Variants in GFRA2 observed in about 807,000 individuals in gnomAD.
GFRA2 encodes GDNF family receptor alpha 2.
A neutral mutation model predicts 48.3 loss-of-function variants in GFRA2; 17 were observed. The ratio of observed to expected loss-of-function variants is 0.35; its 90% CI spans 0.24 to 0.53. The LOEUF (loss-of-function observed/expected upper bound fraction) is 0.53. Ranked by LOEUF, GFRA2 falls within the 20% of genes least tolerant of loss-of-function variation. The pLI, the probability that GFRA2 is intolerant of heterozygous loss-of-function variation, is 0.93. For missense variants in GFRA2, 660 were observed against 637.3 expected, an observed-to-expected ratio of 1.04 and a Z score of -0.38; for synonymous variants, 305 against 257.2, an observed-to-expected ratio of 1.19 and a Z score of -1.78.
intron 1 of GFRA2, among the ~76,000 whole-genome samples, chr8:21,786,391 G>C (rs959867127): frequency 3.0e-4 from 46 of 152,392 alleles, no homozygotes; most frequent in Non-Finnish European, 6.0e-4. Flanking sequence ...ATGCAGCTCA[G>C]CAGTAGGCAA....
chr8:21,811,027 C>A (rs1164721306), intron 1 of GFRA2, among the ~76,000 whole-genome samples: 1 of 152,228 alleles, frequency 6.6e-6, no homozygotes, highest in African/African-American at 2.4e-5. Flanking sequence ...CTCCAGAAAA[C>A]CGATTTTTAA....
chr8:21,711,414 T>C (rs538655852), intron 4 of GFRA2, among the ~76,000 whole-genome samples: 28 of 152,288 alleles, frequency 1.8e-4, no homozygotes, highest in Non-Finnish European at 2.8e-4. Context: ...AAGCTAAGTC[T>C]GCCAAGTGAG....
At position 21,750,861 on chromosome 8, in the gene GFRA2, C is replaced by A; in HGVS notation, c.521G>T (p.Cys174Phe). ...GATGTAGGAGGAGCGCAGCTTCTTG[C>A]AGTTGTCATTCAGGTTGCAGGCCTT... ...AAKACNLNDNCKKLRSSYISI... is the reference protein window; with the variant it reads ...AAKACNLNDNFKKLRSSYISI... The change falls in exon 4 of 9, where the codon TGC becomes TTC. Residue 174 changes from cysteine to phenylalanine, a missense_variant. Cys to Phe is a radical substitution (Grantham distance 205). Transcript: ENST00000524240. The surrounding 1 kb of genome is among the most constrained non-coding windows in gnomAD (Gnocchi z 5.7). 1 of 1,613,862 alleles carries A rather than the reference C, an allele frequency of 6.2e-7. No homozygotes were observed. The highest frequency in any genetic ancestry group is 8.5e-7 in the Non-Finnish European group (1 of 1,179,854).
At chr8:21,785,132 A>C (rs1807205659) in intron 1 of GFRA2, among the ~76,000 whole-genome samples, 1 of 152,238 alleles carries the variant, frequency 6.6e-6, no homozygotes, top group South Asian at 2.1e-4. Flanking sequence ...CTGTAGGCAC[A>C]GAATTCACCG....
At chr8:21,799,686 C>A (rs1807738798) in intron 2 of GFRA2, among the ~76,000 whole-genome samples, 3 of 152,306 alleles carry the variant, frequency 2.0e-5, no homozygotes, top group South Asian at 4.1e-4. Context: ...TGCCCACCAC[C>A]CTCCAGCCTA....
At chr8:21,694,439 C>T (rs1802054949) in intron 8 of GFRA2, 25 bp downstream of exon 8, 1 of 1,607,690 alleles carries the variant, frequency 6.2e-7, no homozygotes, top group African/African-American at 1.3e-5. Context: ...CTTCTGCACC[C>T]ATCCCCACTC....
chr8:21,711,421 T>G (rs776617965), intron 4 of GFRA2, among the ~76,000 whole-genome samples: 12 of 152,116 alleles, frequency 7.9e-5, no homozygotes, highest in Non-Finnish European at 1.5e-4. Flanking sequence ...GTCTGCCAAG[T>G]GAGCTCAGGG....
Position 21,759,593 on chromosome 8 carries a change from A to T in GFRA2, c.440-8651T>A, listed in dbSNP as rs115074404. On this transcript the variant is annotated intron_variant, in intron 3 of 8. Coordinates refer to ENST00000524240, the MANE Select transcript of GFRA2 (RefSeq NM_001495.5). ...TAAAGAAAGGAAAATAAGGGAATTTAAAAAAGAATGACCAGCTGGGTGCAG... is the reference window on the plus strand; with the variant it reads ...TAAAGAAAGGAAAATAAGGGAATTTTAAAAAGAATGACCAGCTGGGTGCAG... Among the ~76,000 whole-genome samples the T allele has an allele frequency of 9.4e-3, 1,422 of 151,922 alleles. 27 individuals are homozygous for T. The highest frequency in any genetic ancestry group is 0.032 in the African/African-American group (1,327 of 41,352).
intron 7 of GFRA2, among the ~76,000 whole-genome samples, chr8:21,696,909 GA>G (rs138582118): frequency 0.08 from 10,904 of 136,382 alleles, 580 homozygotes; most frequent in Non-Finnish European, 0.13. Flanking sequence ...AGTGAGAGGA[GA>G]GGGGACATAG....
At chr8:21,728,110 C>T (rs1017684861) in intron 4 of GFRA2, among the ~76,000 whole-genome samples, 1 of 152,066 alleles carries the variant, frequency 6.6e-6, no homozygotes, top group African/African-American at 2.4e-5. Flanking sequence ...CCACACAGCA[C>T]TGATTCCAGG....
intron 3 of GFRA2, among the ~76,000 whole-genome samples, chr8:21,756,417 C>T (rs929543667): frequency 2.6e-5 from 4 of 152,178 alleles, no homozygotes; most frequent in Admixed American, 2.6e-4. Flanking sequence ...ACCCCAGGAG[C>T]GGGCCTGGGC....
chr8:21,770,231 A>G (rs1806378460), intron 3 of GFRA2, among the ~76,000 whole-genome samples: 1 of 152,214 alleles, frequency 6.6e-6, no homozygotes, highest in South Asian at 2.1e-4. Flanking sequence ...AGTTTCTAGA[A>G]TGCCGGGTTC....
At chr8:21,797,344 G>C (rs1807696500) in intron 2 of GFRA2, 1 of 114,508 alleles carries the variant, frequency 8.7e-6, no homozygotes, top group South Asian at 2.9e-4. Context: ...AGGCTGGATT[G>C]CAGCGGTGCC....
chr8:21,766,250 A>T (rs1806144223), intron 3 of GFRA2, among the ~76,000 whole-genome samples: 1 of 151,516 alleles, frequency 6.6e-6, no homozygotes, highest in Non-Finnish European at 1.5e-5. Flanking sequence ...GTTCCCAGTC[A>T]CCTCTGTCCC....
chr8:21,747,984 A>G (rs1805095032), intron 4 of GFRA2, among the ~76,000 whole-genome samples: 1 of 151,948 alleles, frequency 6.6e-6, no homozygotes, highest in Non-Finnish European at 1.5e-5. Flanking sequence ...TGGTGTTTCC[A>G]GTAGATTTCT....
intron 4 of GFRA2, among the ~76,000 whole-genome samples, chr8:21,748,560 G>A (rs1417705260): frequency 6.6e-6 from 1 of 152,120 alleles, no homozygotes; most frequent in Admixed American, 6.6e-5. Flanking sequence ...ATCTTAGTCT[G>A]GAGCACTCAA....
In GFRA2 at chr8:21,783,034, G is replaced by A. The variant is rs776290072; in HGVS notation, c.41-135C>T. 568 of 820,802 alleles carry A rather than the reference G, an allele frequency of 6.9e-4. 1 individual carries two copies. Among genetic ancestry groups the A allele is most frequent in the Middle Eastern group, 4.8e-3 (22 of 4,610 alleles). The allele number at this position is 820,802 out of a possible 1,614,324, so 50.8% of individuals were successfully genotyped here. A position where few individuals can be genotyped will look rare whatever the true frequency, so the allele number is the denominator to read the frequency against. On this transcript the variant is annotated intron_variant, in intron 1 of 8. Transcript: ENST00000524240. ...CAAAGCACACCAAGGCGACTCTGTGGGACAGCCCTCCTCATACCCCAGGGA... is the reference window on the plus strand; with the variant it reads ...CAAAGCACACCAAGGCGACTCTGTGAGACAGCCCTCCTCATACCCCAGGGA...
intron 4 of GFRA2, among the ~76,000 whole-genome samples, chr8:21,731,408 C>G (rs1804186573): frequency 6.6e-6 from 1 of 152,166 alleles, no homozygotes; most frequent in South Asian, 2.1e-4. Flanking sequence ...CCGTAGCCAT[C>G]TCAATGGCCA....
In GFRA2 at chr8:21,782,689, A is replaced by G; in HGVS notation, c.251T>C (p.Val84Ala). Residue 84 changes from valine to alanine, a missense_variant, in exon 2 of 9, where the codon GTC becomes GCC. By Grantham distance (64) the Val-to-Ala change is moderately conservative (BLOSUM62 0). Coordinates refer to ENST00000524240, the MANE Select transcript of GFRA2 (RefSeq NM_001495.5). ...ANKECQAALE[V>A]LQESPLYDCR... ...GTCGTACAGCGGGCTCTCCTGCAAG[A>G]CCTCCAAGGCCGCCTGGCACTCCTT... 1 of 1,591,560 alleles carries G rather than the reference A, an allele frequency of 6.3e-7. No individual in the cohort carries two copies. The highest frequency in any genetic ancestry group is 8.5e-7 in the Non-Finnish European group (1 of 1,169,660).
Sources: gnomAD v4.1 joint callset for allele counts (sites outside exome capture counted in the v4.1 genomes callset) on GRCh38, gnomAD v4.1.1 for gene constraint, Gnocchi (gnomAD v3.1) non-coding constraint, MANE v1.5 for transcripts, NCBI Gene and HGNC (gene_info 2026-07-23, HGNC 2026-07-21) for gene names.